Variants in EPHB2 observed in about 807,000 individuals in gnomAD.
EPHB2 encodes EPH receptor B2, also known as ephrin type-B receptor 2.
A neutral mutation model predicts 96.4 loss-of-function variants in EPHB2; 18 were observed. That is an observed-to-expected ratio of 0.19 (90% confidence interval 0.13 to 0.28). The LOEUF is 0.28. Among genes scored for constraint, EPHB2 ranks in the 10% least tolerant of loss-of-function variants. EPHB2 has a pLI of 1.00. For synonymous variants in EPHB2, 506 were observed against 534.1 expected, an observed-to-expected ratio of 0.95 and a Z score of 0.72; for missense variants, 989 against 1,355.4, an observed-to-expected ratio of 0.73 and a Z score of 4.25.
intron 3 of EPHB2, among the ~76,000 whole-genome samples, chr1:22,826,709 C>T (rs1443928012): frequency 6.6e-6 from 1 of 152,182 alleles, no homozygotes; most frequent in Non-Finnish European, 1.5e-5. Context: ...ACTGTGTCTC[C>T]GCAGCCTGAC....
At chr1:22,739,627 A>G (rs143488599) in intron 1 of EPHB2, among the ~76,000 whole-genome samples, 561 of 152,306 alleles carry the variant, frequency 3.7e-3, no homozygotes, top group African/African-American at 0.013. Flanking sequence ...GCTCACCTGG[A>G]CAGTCCACAG....
chr1:22,864,322 AG>A (rs1489587335), intron 4 of EPHB2, among the ~76,000 whole-genome samples: 1,926 of 152,312 alleles, frequency 0.013, 37 homozygotes, highest in African/African-American at 0.042. Context: ...CTGGGATTAC[AG>A]GTGTTAGCCA....
At chr1:22,719,062 A>C (rs1386962024) in intron 1 of EPHB2, among the ~76,000 whole-genome samples, 1 of 152,214 alleles carries the variant, frequency 6.6e-6, no homozygotes, top group Non-Finnish European at 1.5e-5. Context: ...AATCTCTGTG[A>C]TAATGGTCAG....
chr1:22,865,924 A>T (rs891394145), intron 5 of EPHB2, among the ~76,000 whole-genome samples: 4 of 150,632 alleles, frequency 2.7e-5, no homozygotes, highest in African/African-American at 9.8e-5. Context: ...GTCATCCTCC[A>T]CCCCCCACCC....
At chr1:22,711,459 G>C (rs1244703801) in intron 1 of EPHB2, among the ~76,000 whole-genome samples, 17 of 150,254 alleles carry the variant, frequency 1.1e-4, no homozygotes. Flanking sequence ...GTCGGGGCTG[G>C]AAAGTTTGGC....
chr1:22,807,518 A>G (rs1644943715), intron 3 of EPHB2, among the ~76,000 whole-genome samples: 1 of 152,124 alleles, frequency 6.6e-6, no homozygotes. Flanking sequence ...AGCCTCCTAG[A>G]AGTCAAAAGG....
intron 3 of EPHB2, among the ~76,000 whole-genome samples, chr1:22,813,681 ACC>A (rs751644350): frequency 6.6e-6 from 1 of 152,214 alleles, no homozygotes; most frequent in Non-Finnish European, 1.5e-5. Flanking sequence ...CAGCCATGTG[ACC>A]ACAGCAAGTG....
At chr1:22,751,301 C>T (rs1054308158) in intron 1 of EPHB2, among the ~76,000 whole-genome samples, 7 of 152,146 alleles carry the variant, frequency 4.6e-5, no homozygotes, top group South Asian at 2.1e-4. Flanking sequence ...GCTTCCTGCA[C>T]GCAGGACTGA....
At chr1:22,792,985 G>T (rs1395026380) in intron 3 of EPHB2, among the ~76,000 whole-genome samples, 1 of 152,180 alleles carries the variant, frequency 6.6e-6, no homozygotes, top group Non-Finnish European at 1.5e-5. Context: ...TGGAAGCTGA[G>T]CGAGGAGCAA....
intron 1 of EPHB2, among the ~76,000 whole-genome samples, chr1:22,761,244 T>C (rs562222010): frequency 6.6e-5 from 10 of 152,266 alleles, no homozygotes; most frequent in African/African-American, 2.4e-4. Context: ...CAAATGATGT[T>C]CAAAGTGTGA....
chr1:22,744,671 CAAAAAAAAAAAAAAA>C (rs59996691), intron 1 of EPHB2, among the ~76,000 whole-genome samples: 1 of 57,922 alleles, frequency 1.7e-5, no homozygotes, highest in Non-Finnish European at 3.0e-5. Context: ...GACATTGTCT[CAAAAAAAAAAAAAAA>C]AAAAAAAAAA....
At chr1:22,800,492 G>A (rs975411758) in intron 3 of EPHB2, among the ~76,000 whole-genome samples, 1 of 152,162 alleles carries the variant, frequency 6.6e-6, no homozygotes, top group South Asian at 2.1e-4. Flanking sequence ...GTGCAGCCGT[G>A]GAGGGAGGTC....
At chr1:22,774,660 G>A (rs1570252926) in intron 1 of EPHB2, 1 of 979,816 alleles carries the variant, frequency 1.0e-6, no homozygotes, top group Admixed American at 6.2e-5. Flanking sequence ...GGCCTGCTTG[G>A]CAGGGGCCTC....
intron 6 of EPHB2, among the ~76,000 whole-genome samples, chr1:22,886,901 C>A (rs567193389): frequency 1.6e-4 from 25 of 152,008 alleles, no homozygotes; most frequent in Non-Finnish European, 3.5e-4. Flanking sequence ...GCTGGGATTA[C>A]AGGGGTGAGC....
intron 3 of EPHB2, among the ~76,000 whole-genome samples, chr1:22,829,151 C>G (rs117974090): frequency 6.6e-6 from 1 of 152,256 alleles, no homozygotes; most frequent in Admixed American, 6.5e-5. Flanking sequence ...CTGACTGACT[C>G]GTTACTCCTC....
intron 3 of EPHB2, among the ~76,000 whole-genome samples, chr1:22,798,466 T>A (rs909323176): frequency 9.2e-5 from 14 of 152,170 alleles, no homozygotes; most frequent in Non-Finnish European, 1.5e-4. Context: ...ACCCATTTTT[T>A]TTTTTTTAAC....
At chr1:22,786,140 A>G (rs1644607426) in intron 3 of EPHB2, among the ~76,000 whole-genome samples, 1 of 152,204 alleles carries the variant, frequency 6.6e-6, no homozygotes, top group Admixed American at 6.5e-5. Context: ...CCTGGGTTAA[A>G]TCACCCCTTC....
At chr1:22,823,249 A>G (rs1447063027) in intron 3 of EPHB2, among the ~76,000 whole-genome samples, 1 of 152,194 alleles carries the variant, frequency 6.6e-6, no homozygotes, top group Non-Finnish European at 1.5e-5. Context: ...TAGCTGGCCT[A>G]TGTAGCTAAC....
At chr1:22,720,073 C>T (rs1327746123) in intron 1 of EPHB2, among the ~76,000 whole-genome samples, 1 of 152,144 alleles carries the variant, frequency 6.6e-6, no homozygotes. Context: ...AAGGCTGGTC[C>T]CCCTACGCTC....
Sources: allele counts gnomAD v4.1 joint callset (sites outside exome capture counted in the v4.1 genomes callset), GRCh38; gene constraint gnomAD v4.1.1; transcripts MANE v1.5; gene names NCBI Gene and HGNC (gene_info 2026-07-23, HGNC 2026-07-21).